Variants in CA1 observed in about 807,000 individuals in gnomAD.
CA1 encodes carbonic anhydrase 1, also known as carbonate dehydratase I.
Under a neutral mutation model 28.8 loss-of-function variants are expected in CA1, and 27 were observed. That is an observed-to-expected ratio of 0.94 (90% CI 0.69 to 1.29). CA1 has a LOEUF of 1.29. Among genes scored for constraint, CA1 ranks in the 50% most tolerant of loss-of-function variants. The pLI, the probability that CA1 is intolerant of heterozygous loss-of-function variation, is 0.00. For missense variants in CA1, 335 were observed against 310.5 expected (o/e 1.08, Z -0.59); for synonymous variants, 121 against 108.8 (o/e 1.11, Z -0.70).
At chr8:85,333,887 ATCTC>A (rs1391495889) in intron 4 of CA1, among the ~76,000 whole-genome samples, 2 of 152,194 alleles carry the variant, frequency 1.3e-5, no homozygotes. Context: ...CTTTAAATGT[ATCTC>A]TCTTTGTTTT....
intron 3 of CA1, 21 bp from the exon 4 acceptor site, chr8:85,337,084 T>C: frequency 3.0e-6 from 4 of 1,319,736 alleles, no homozygotes; most frequent in Non-Finnish European, 4.4e-6. Flanking sequence ...AGGGAACCGA[T>C]TGTTAGCCTG....
intron 6 of CA1, among the ~76,000 whole-genome samples, chr8:85,332,220 G>C (rs1178320052): frequency 6.6e-6 from 1 of 152,058 alleles, no homozygotes; most frequent in Non-Finnish European, 1.5e-5. Context: ...AGTTTTTCAA[G>C]CAAATTTAAA....
chr8:85,331,615 C>T (rs1365958189), intron 6 of CA1, among the ~76,000 whole-genome samples: 1 of 152,052 alleles, frequency 6.6e-6, no homozygotes, highest in Admixed American at 6.6e-5. Context: ...CGCCACCACG[C>T]CCAGCTAATT....
At chr8:85,357,328 C>T (rs1253941937) in intron 1 of CA1, among the ~76,000 whole-genome samples, 1 of 152,176 alleles carries the variant, frequency 6.6e-6, no homozygotes, top group Non-Finnish European at 1.5e-5. Flanking sequence ...CAGATCCAGA[C>T]TCAAGTAGGC....
chr8:85,360,337 TA>T (rs2130339457), intron 1 of CA1, among the ~76,000 whole-genome samples: 1 of 152,284 alleles, frequency 6.6e-6, no homozygotes, highest in South Asian at 2.1e-4. Flanking sequence ...CCTGTCAATC[TA>T]AAAGGTAAAA....
At position 85,328,734 on chromosome 8, in the gene CA1, A is replaced by G. The variant is rs1026378775; in HGVS notation, c.670-58T>C. On this transcript the variant is annotated intron_variant, in intron 7 of 7. Coordinates refer to ENST00000523022, the MANE Select transcript of CA1 (RefSeq NM_001128831.4). Reference sequence around the variant, plus strand: ...TTTTTAAAGTTACATAAAGCGTTTTATTTACAGGATTACTAACGCACTGAT... The same window carrying G: ...TTTTTAAAGTTACATAAAGCGTTTTGTTTACAGGATTACTAACGCACTGAT... 6.8e-5 allele frequency: 72 copies of G among 1,051,280 alleles called. 1 individual carries two copies. The highest frequency in any genetic ancestry group is 1.0e-4 in the Non-Finnish European group (70 of 688,026). 65.1% of individuals were successfully genotyped at this position (1,051,280 alleles called of 1,614,324 possible). A position where few individuals can be genotyped will look rare whatever the true frequency, so the allele number is the denominator to read the frequency against.
At chr8:85,349,226 A>G (rs574043817) in intron 1 of CA1, among the ~76,000 whole-genome samples, 8 of 152,200 alleles carry the variant, frequency 5.3e-5, no homozygotes, top group Non-Finnish European at 8.8e-5. Context: ...TACTCACATG[A>G]TCTTAATTTG....
chr8:85,329,774 T>C lies in CA1; in HGVS notation c.584A>G (p.Tyr195Cys). The change falls in exon 7 of 8, where the codon TAC (tyrosine) becomes TGC (cysteine). Residue 195 changes from tyrosine to cysteine, a missense_variant. By Grantham distance (194) the Tyr-to-Cys change is radical. Transcript: ENST00000523022. ...AGGAGGATGAGTCAGAGAGCCAGGG[T>C]AGGTCCAGAAATCCAGGGATGAAGG... ...LLPSSLDFWT[Y>C]PGSLTHPPLY... 1.9e-6 allele frequency: 3 copies of C among 1,605,414 alleles called. No homozygotes were observed. The highest frequency in any genetic ancestry group is 4.5e-5 in the East Asian group (2 of 44,560).
chr8:85,372,063 A>T (rs1810248280), intron 1 of CA1, among the ~76,000 whole-genome samples: 1 of 152,180 alleles, frequency 6.6e-6, no homozygotes, highest in Non-Finnish European at 1.5e-5. Context: ...CTACGTGCTA[A>T]TGGTTTCACA....
Position 85,355,147 on chromosome 8 carries a change from C to A in CA1, c.-24-13488G>T, listed in dbSNP as rs577954387. On this transcript the variant is annotated intron_variant, in intron 1 of 7. Coordinates refer to ENST00000523022, the MANE Select transcript of CA1 (RefSeq NM_001128831.4). The stretch of plus-strand genomic sequence containing the variant: ...CCTGATACTGACCACTAGTTGAGTT[C>A]AGGGTCAAGTGACTGCTTGAACCAG... Among the ~76,000 whole-genome samples, 55 of 152,212 alleles carry A rather than the reference C, an allele frequency of 3.6e-4. 1 individual carries two copies. The South Asian group carries it at 0.011, about 32-fold the overall frequency.
chr8:85,372,723 T>C (rs1445931112), intron 1 of CA1, among the ~76,000 whole-genome samples: 1 of 152,158 alleles, frequency 6.6e-6, no homozygotes, highest in Non-Finnish European at 1.5e-5. Flanking sequence ...AAATAAACAA[T>C]ACGTTTTCAA....
chr8:85,335,943 G>T (rs1486659659), intron 4 of CA1, among the ~76,000 whole-genome samples: 2 of 152,084 alleles, frequency 1.3e-5, no homozygotes, highest in Admixed American at 6.6e-5. Flanking sequence ...GTAGCAGTCT[G>T]CCCTGGAAAA....
At chr8:85,344,258 CAG>C (rs1203003864) in intron 1 of CA1, among the ~76,000 whole-genome samples, 5 of 89,938 alleles carry the variant, frequency 5.6e-5, no homozygotes, top group Non-Finnish European at 7.9e-5. Flanking sequence ...ATATTATATA[CAG>C]TATATAATAT....
intron 1 of CA1, among the ~76,000 whole-genome samples, chr8:85,355,849 G>GT (rs5892942): frequency 0.67 from 100,471 of 150,946 alleles, 34,642 homozygotes; most frequent in African/African-American, 0.85. Context: ...GGCAGGTCTA[G>GT]TTTTTTTTTC....
chr8:85,377,141 A>G (rs1409652253), intron 1 of CA1, among the ~76,000 whole-genome samples: 3 of 152,228 alleles, frequency 2.0e-5, no homozygotes, highest in Non-Finnish European at 2.9e-5. Flanking sequence ...AACCTGATAT[A>G]TTAGAAAATC....
chr8:85,334,445 T>C (rs759802136), intron 4 of CA1, among the ~76,000 whole-genome samples: 5 of 152,198 alleles, frequency 3.3e-5, no homozygotes, highest in Non-Finnish European at 7.4e-5. Context: ...TGGCAGACTT[T>C]TGTCTTGAAT....
intron 1 of CA1, among the ~76,000 whole-genome samples, chr8:85,352,680 T>G (rs1809457252): frequency 6.6e-6 from 1 of 151,500 alleles, no homozygotes; most frequent in African/African-American, 2.4e-5. Context: ...TTTTTTTTTT[T>G]TTTTGAGACA....
chr8:85,347,976 A>G (rs1809266863), intron 1 of CA1, among the ~76,000 whole-genome samples: 1 of 152,186 alleles, frequency 6.6e-6, no homozygotes, highest in Admixed American at 6.6e-5. Flanking sequence ...TACTGAATCA[A>G]AATCTCTGCA....
At chr8:85,357,405 C>G (rs553710366) in intron 1 of CA1, among the ~76,000 whole-genome samples, 3 of 152,132 alleles carry the variant, frequency 2.0e-5, no homozygotes, top group Non-Finnish European at 2.9e-5. Flanking sequence ...CTATAAGCCT[C>G]TGTTTCCTTA....
Sources: gnomAD v4.1 joint callset for allele counts (sites outside exome capture counted in the v4.1 genomes callset) on GRCh38, gnomAD v4.1.1 for gene constraint, MANE v1.5 for transcripts, NCBI Gene and HGNC (gene_info 2026-07-23, HGNC 2026-07-21) for gene names.